Variants in ATP8A2 observed in about 807,000 individuals in gnomAD.
ATP8A2 encodes the protein phospholipid-transporting ATPase IB.
In ATP8A2, 100 loss-of-function variants were observed where a neutral mutation model predicts 165.6. The observed-to-expected ratio is 0.60, with a 90% CI of 0.51 to 0.71. The LOEUF (loss-of-function observed/expected upper bound fraction) is 0.71. Ranked by LOEUF, ATP8A2 falls within the 30% of genes least tolerant of loss-of-function variation. The pLI, the probability that ATP8A2 is intolerant of heterozygous loss-of-function variation, is 0.00. For missense variants in ATP8A2, 1,227 were observed against 1,479.5 expected (o/e 0.83, Z 2.80); for synonymous variants, 543 against 548.8 (o/e 0.99, Z 0.15).
At position 25,546,501 on chromosome 13, in the gene ATP8A2, C is replaced by T. The variant is rs539862515; in HGVS notation, c.891+3099C>T. Among the ~76,000 whole-genome samples, 5 of 146,114 alleles carry T rather than the reference C, an allele frequency of 3.4e-5. No homozygotes were observed. The South Asian group carries it at 8.7e-4, about 25-fold the overall frequency. ...CACAGAGAGGAAACTCAATTGCTGTCGGGTTCTTCTACCTTTTTTTTTTTT... is the reference window on the plus strand; with the variant it reads ...CACAGAGAGGAAACTCAATTGCTGTTGGGTTCTTCTACCTTTTTTTTTTTT... On this transcript the variant is annotated intron_variant, in intron 10 of 36. Transcript: ENST00000381655.
At chr13:25,465,692 TTTCTTTC>T (rs2035624235) in intron 1 of ATP8A2, among the ~76,000 whole-genome samples, 1 of 18,406 alleles carries the variant, frequency 5.4e-5, no homozygotes, top group African/African-American at 1.4e-4. Flanking sequence ...TCTTTCTTTC[TTTCTTTC>T]TTTCTTTCTT....
At chr13:25,979,048 C>CT (rs935222037) in intron 35 of ATP8A2, among the ~76,000 whole-genome samples, 1 of 151,246 alleles carries the variant, frequency 6.6e-6, no homozygotes, top group African/African-American at 2.4e-5. Flanking sequence ...GACGTGGTCT[C>CT]TGTCACTAGA....
At chr13:25,415,721 G>T (rs1451348232) in intron 1 of ATP8A2, among the ~76,000 whole-genome samples, 1 of 152,146 alleles carries the variant, frequency 6.6e-6, no homozygotes, top group Non-Finnish European at 1.5e-5. Flanking sequence ...CATTGGGTTT[G>T]TTTCCTCATC....
At chr13:25,601,750 G>C (rs1565969859) in intron 24 of ATP8A2, among the ~76,000 whole-genome samples, 1 of 152,190 alleles carries the variant, frequency 6.6e-6, no homozygotes, top group Non-Finnish European at 1.5e-5. Context: ...GATTACAGGC[G>C]TGAGCCACTG....
At chr13:25,642,148 C>G (rs1385334261) in intron 24 of ATP8A2, among the ~76,000 whole-genome samples, 1 of 152,072 alleles carries the variant, frequency 6.6e-6, no homozygotes, top group Non-Finnish European at 1.5e-5. Flanking sequence ...CATAAAAACC[C>G]TAGAAGAAAA....
chr13:25,544,340 G>A (rs139693483), intron 10 of ATP8A2, among the ~76,000 whole-genome samples: 21 of 152,322 alleles, frequency 1.4e-4, no homozygotes, highest in East Asian at 3.9e-4. Context: ...AATGATTCCC[G>A]TGGCAGAAGC....
Position 25,864,997 on chromosome 13 carries a change from G to A in ATP8A2, c.3183+2589G>A, listed in dbSNP as rs1001873785. On this transcript the variant is annotated intron_variant, in intron 33 of 36. Transcript: ENST00000381655. ...TTGTTCATTCTTTGAAAAATGGCAGGGAAGTATTACAAAACATTTTTTTAA... is the reference window on the plus strand; with the variant it reads ...TTGTTCATTCTTTGAAAAATGGCAGAGAAGTATTACAAAACATTTTTTTAA... 2.6e-5 allele frequency among the ~76,000 whole-genome samples: 4 copies of A among 152,284 alleles called. No individual in the cohort carries two copies. The South Asian group carries it at 6.2e-4, about 24-fold the overall frequency.
At chr13:25,870,109 C>G (rs1952633676) in intron 33 of ATP8A2, among the ~76,000 whole-genome samples, 1 of 152,218 alleles carries the variant, frequency 6.6e-6, no homozygotes, top group African/African-American at 2.4e-5. Flanking sequence ...GACAGCCCGG[C>G]TGTCCTCCAA....
chr13:25,536,831 A>G (rs2137960612), intron 6 of ATP8A2, among the ~76,000 whole-genome samples: 1 of 152,248 alleles, frequency 6.6e-6, no homozygotes, highest in Non-Finnish European at 1.5e-5. Flanking sequence ...ACTGATGGAG[A>G]CTGACATTTA....
chr13:25,417,915 G>T (rs1447586008), intron 1 of ATP8A2, among the ~76,000 whole-genome samples: 2 of 152,224 alleles, frequency 1.3e-5, no homozygotes, highest in Non-Finnish European at 2.9e-5. Context: ...GGAATCAGTT[G>T]ATTGGCACTC....
chr13:25,989,993 G>A (rs1270407449), intron 35 of ATP8A2, among the ~76,000 whole-genome samples: 3 of 152,156 alleles, frequency 2.0e-5, no homozygotes, highest in African/African-American at 7.2e-5. Context: ...CCCTTAGAGC[G>A]GGTTTTAGAA....
Position 25,438,509 on chromosome 13 carries a change from T to A in ATP8A2, c.77-30468T>A, listed in dbSNP as rs374242952. ...TACAAAAATTAGCTTGGCATGGTGGTGTGCACCTGTAGTCCTAGCTACTCT... is the reference window on the plus strand; with the variant it reads ...TACAAAAATTAGCTTGGCATGGTGGAGTGCACCTGTAGTCCTAGCTACTCT... On this transcript the variant is annotated intron_variant, in intron 1 of 36. Coordinates refer to ENST00000381655, the MANE Select transcript of ATP8A2 (RefSeq NM_016529.6). Among the ~76,000 whole-genome samples the A allele has an allele frequency of 5.3e-5, 8 of 152,148 alleles. No homozygotes were observed. The East Asian group carries it at 1.2e-3, about 22-fold the overall frequency.
At chr13:25,738,214 A>C (rs1021999039) in intron 25 of ATP8A2, among the ~76,000 whole-genome samples, 1 of 152,172 alleles carries the variant, frequency 6.6e-6, no homozygotes, top group Non-Finnish European at 1.5e-5. Context: ...AATGTCCCCG[A>C]GGCTTCTCAC....
At position 25,921,389 on chromosome 13, in the gene ATP8A2, G is replaced by A. The variant is rs548031406; in HGVS notation, c.3184-40186G>A. Among the ~76,000 whole-genome samples the A allele has an allele frequency of 2.0e-3, 304 of 151,920 alleles. 7 individuals carry two copies. The South Asian group carries it at 0.038, about 19-fold the overall frequency. ...TCCCAGCAATTTGGGAGGCTGAGGC[G>A]GGTGGATCACGAGGTCAGAAGTTCA... On this transcript the variant is annotated intron_variant, in intron 33 of 36. Transcript: ENST00000381655.
intron 24 of ATP8A2, among the ~76,000 whole-genome samples, chr13:25,694,474 A>G (rs1369055064): frequency 2.0e-5 from 3 of 152,230 alleles, no homozygotes; most frequent in East Asian, 3.9e-4. Context: ...GACCCCCGGC[A>G]GGCACCCCTC....
intron 24 of ATP8A2, among the ~76,000 whole-genome samples, chr13:25,657,641 A>T (rs1386637887): frequency 6.6e-6 from 1 of 152,202 alleles, no homozygotes; most frequent in Non-Finnish European, 1.5e-5. Flanking sequence ...CAATTTTTGT[A>T]ATGGGAAGAA....
rs548818582 is a variant in ATP8A2 at position 25,452,511 on chromosome 13, A to G, written c.77-16466A>G. 9.9e-5 allele frequency among the ~76,000 whole-genome samples: 15 copies of G among 152,182 alleles called. 1 individual carries two copies. Among genetic ancestry groups the G allele is most frequent in the South Asian group, 4.1e-4 (2 of 4,828 alleles). ...ATATAGTTTTCTTGAGAAAAGCACT[A>G]TTAAAGATTGATACCCCGTTTCAGG... On this transcript the variant is annotated intron_variant, in intron 1 of 36. Coordinates refer to ENST00000381655, the MANE Select transcript of ATP8A2 (RefSeq NM_016529.6).
At chr13:25,958,489 G>A (rs1248933626) in intron 33 of ATP8A2, among the ~76,000 whole-genome samples, 1 of 152,096 alleles carries the variant, frequency 6.6e-6, no homozygotes, top group African/African-American at 2.4e-5. Context: ...ACAGCTCATT[G>A]GCTTTACAGT....
intron 36 of ATP8A2, among the ~76,000 whole-genome samples, chr13:26,016,107 G>C (rs957721943): frequency 6.6e-6 from 1 of 152,186 alleles, no homozygotes; most frequent in Non-Finnish European, 1.5e-5. Context: ...CTGAACATGG[G>C]AGGACTCCCT....
Sources: allele counts gnomAD v4.1 joint callset (sites outside exome capture counted in the v4.1 genomes callset), GRCh38; gene constraint gnomAD v4.1.1; transcripts MANE v1.5; gene names NCBI Gene and HGNC (gene_info 2026-07-23, HGNC 2026-07-21).